The following CADPS2 variants were observed in gnomAD, a reference collection of about 807,000 sequenced individuals.
The protein encoded by CADPS2 is calcium-dependent secretion activator 2.
Under a neutral mutation model 172.5 loss-of-function variants are expected in CADPS2, and 93 were observed. The observed-to-expected ratio is 0.54, with a 90% confidence interval of 0.46 to 0.64. The LOEUF is 0.64. Among genes scored for constraint, CADPS2 ranks in the 30% least tolerant of loss-of-function variants. The pLI, the probability that CADPS2 is intolerant of heterozygous loss-of-function variation, is 0.00. For synonymous variants in CADPS2, 546 were observed against 555.2 expected, an observed-to-expected ratio of 0.98 and a Z score of 0.23; for missense variants, 1,420 against 1,565.9, an observed-to-expected ratio of 0.91 and a Z score of 1.57.
chr7:122,531,409 T>C (rs1045485300), intron 8 of CADPS2, among the ~76,000 whole-genome samples: 2 of 152,202 alleles, frequency 1.3e-5, no homozygotes, highest in Non-Finnish European at 2.9e-5. Context: ...AGATTCTCCT[T>C]CCTAAAACCA....
At chr7:122,694,062 T>G (rs373345383) in intron 2 of CADPS2, among the ~76,000 whole-genome samples, 2 of 152,202 alleles carry the variant, frequency 1.3e-5, no homozygotes, top group East Asian at 3.9e-4. Flanking sequence ...ACTTGAGTAA[T>G]AGCTGACTGT....
At chr7:122,611,681 G>GA (rs1254905742) in intron 6 of CADPS2, among the ~76,000 whole-genome samples, 3 of 151,744 alleles carry the variant, frequency 2.0e-5, no homozygotes, top group Non-Finnish European at 4.4e-5. Context: ...TCATACCTTT[G>GA]AAAAAAATTG....
chr7:122,371,251 G>T (rs1361915254), intron 25 of CADPS2, among the ~76,000 whole-genome samples: 1 of 152,308 alleles, frequency 6.6e-6, no homozygotes, highest in South Asian at 2.1e-4. Context: ...GTATTAGTCT[G>T]TTCACACACT....
At chr7:122,786,599 A>T (rs1290019916) in intron 1 of CADPS2, among the ~76,000 whole-genome samples, 1 of 152,124 alleles carries the variant, frequency 6.6e-6, no homozygotes, top group East Asian at 1.9e-4. Flanking sequence ...ATATGGCACA[A>T]CCTTTGTGGA....
intron 1 of CADPS2, among the ~76,000 whole-genome samples, chr7:122,767,939 T>C (rs982866983): frequency 6.6e-6 from 1 of 152,102 alleles, no homozygotes; most frequent in South Asian, 2.1e-4. Flanking sequence ...CTAGAGACAA[T>C]AAGCCTACAT....
At chr7:122,698,909 G>C in intron 2 of CADPS2, 1 of 1,581,636 alleles carries the variant, frequency 6.3e-7, no homozygotes. Flanking sequence ...CCAACCTTGA[G>C]TAGATGCATC....
chr7:122,441,321 A>C (rs1341405458), intron 16 of CADPS2, among the ~76,000 whole-genome samples, 191 bp downstream of exon 16: 2 of 152,172 alleles, frequency 1.3e-5, no homozygotes, highest in Non-Finnish European at 2.9e-5. Flanking sequence ...GTGAGGCTTC[A>C]GAAAGGCTTC....
At chr7:122,646,044 T>C (rs918842115) in intron 3 of CADPS2, among the ~76,000 whole-genome samples, 2 of 151,912 alleles carry the variant, frequency 1.3e-5, no homozygotes, top group South Asian at 4.1e-4. Context: ...TTAAGTAAAG[T>C]AACAAAGACA....
At chr7:122,461,019 G>T (rs932319338) in intron 14 of CADPS2, among the ~76,000 whole-genome samples, 3 of 152,116 alleles carry the variant, frequency 2.0e-5, no homozygotes, top group Non-Finnish European at 4.4e-5. Flanking sequence ...CACAGCAATG[G>T]CGGAGTTGTA....
intron 1 of CADPS2, among the ~76,000 whole-genome samples, chr7:122,748,184 T>G (rs2092799743): frequency 6.6e-6 from 1 of 151,892 alleles, no homozygotes; most frequent in African/African-American, 2.4e-5. Flanking sequence ...AGCAAGTGAG[T>G]GAAGAGGAGG....
At chr7:122,607,153 G>A (rs1258802747) in intron 6 of CADPS2, among the ~76,000 whole-genome samples, 1 of 151,966 alleles carries the variant, frequency 6.6e-6, no homozygotes, top group Non-Finnish European at 1.5e-5. Context: ...TGGATAAAAG[G>A]GACTAAAGTC....
At chr7:122,835,869 G>A (rs13236195) in intron 1 of CADPS2, among the ~76,000 whole-genome samples, 8,763 of 152,196 alleles carry the variant, frequency 0.058, 291 homozygotes, top group African/African-American at 0.085. Flanking sequence ...GATATTATCC[G>A]GGAGAACTTC....
At chr7:122,762,733 T>C (rs1362803607) in intron 1 of CADPS2, among the ~76,000 whole-genome samples, 1 of 152,158 alleles carries the variant, frequency 6.6e-6, no homozygotes, top group Non-Finnish European at 1.5e-5. Flanking sequence ...AGAAGAGATC[T>C]TAGGATGACA....
At chr7:122,479,281 C>G (rs184646666) in intron 12 of CADPS2, among the ~76,000 whole-genome samples, 1 of 152,244 alleles carries the variant, frequency 6.6e-6, no homozygotes, top group East Asian at 1.9e-4. Context: ...TAGGAGTTCA[C>G]CTGTAGCTGC....
chr7:122,664,280 G>A lies in CADPS2; in HGVS notation c.454-711C>T, dbSNP rs150241184. 4.6e-3 allele frequency among the ~76,000 whole-genome samples: 697 copies of A among 152,058 alleles called. 2 individuals are homozygous for A. Among genetic ancestry groups the A allele is most frequent in the Non-Finnish European group, 7.8e-3 (531 of 68,002 alleles). On this transcript the variant is annotated intron_variant, in intron 2 of 29. Coordinates refer to ENST00000449022, the MANE Select transcript of CADPS2 (RefSeq NM_017954.11). The stretch of plus-strand genomic sequence containing the variant: ...TACTCAAAATTGCCCAACAGCTGGG[G>A]GGCTAGAATATACCTGTCCCCATCC...
intron 27 of CADPS2, among the ~76,000 whole-genome samples, chr7:122,355,888 G>C (rs979134395): frequency 6.6e-6 from 1 of 152,040 alleles, no homozygotes; most frequent in Admixed American, 6.5e-5. Context: ...TTAACAGTAA[G>C]GTATTATTAA....
chr7:122,623,687 T>C (rs1291308161), intron 4 of CADPS2, among the ~76,000 whole-genome samples: 1 of 152,210 alleles, frequency 6.6e-6, no homozygotes, highest in African/African-American at 2.4e-5. Flanking sequence ...CATATGCTCT[T>C]TGGTCTGGTT....
intron 19 of CADPS2, among the ~76,000 whole-genome samples, chr7:122,410,471 A>G (rs528753782): frequency 8.2e-5 from 12 of 146,266 alleles, no homozygotes; most frequent in Non-Finnish European, 1.3e-4. Flanking sequence ...TAGTAAATAT[A>G]GTTTACAACA....
intron 1 of CADPS2, among the ~76,000 whole-genome samples, chr7:122,798,842 G>C (rs1008891563): frequency 6.6e-6 from 1 of 151,668 alleles, no homozygotes; most frequent in African/African-American, 2.4e-5. Flanking sequence ...CTCAACTTCT[G>C]CTTGATTTTT....
Sources: gnomAD v4.1 joint callset for allele counts (sites outside exome capture counted in the v4.1 genomes callset) on GRCh38, gnomAD v4.1.1 for gene constraint, MANE v1.5 for transcripts, NCBI Gene and HGNC (gene_info 2026-07-23, HGNC 2026-07-21) for gene names.